LRRC37A2: variants seen among roughly 807,000 people sequenced by gnomAD.
LRRC37A2 encodes leucine-rich repeat-containing protein 37A2.
LRRC37A2 carries 9 observed loss-of-function variants against 68.8 expected under a neutral mutation model. That is an observed-to-expected ratio of 0.13 (90% CI 0.08 to 0.23). The LOEUF is 0.23. LRRC37A2 is among the 10% of genes least tolerant of loss of function. The pLI, the probability that LRRC37A2 is intolerant of heterozygous loss-of-function variation, is 1.00. For synonymous variants in LRRC37A2, 63 were observed against 367.6 expected, an observed-to-expected ratio of 0.17 and a Z score of 9.48; for missense variants, 168 against 950.4, an observed-to-expected ratio of 0.18 and a Z score of 10.82.
At chr17:46,861,138 A>G in the LRRC37A2 span, among the ~76,000 whole-genome samples, 1 of 152,210 alleles carries the variant, frequency 6.6e-6, no homozygotes, top group Non-Finnish European at 1.5e-5. Flanking sequence ...CTGTCCCCTT[A>G]GGGCAGCTCT....
the LRRC37A2 span, among the ~76,000 whole-genome samples, chr17:46,825,302 G>A: frequency 6.6e-6 from 1 of 152,244 alleles, no homozygotes; most frequent in East Asian, 1.9e-4. Flanking sequence ...CAGGGAAGGG[G>A]AGGGAGCCCT....
At chr17:46,753,708 A>G in the LRRC37A2 span, among the ~76,000 whole-genome samples, 3 of 152,094 alleles carry the variant, frequency 2.0e-5, no homozygotes, top group Non-Finnish European at 4.4e-5. Context: ...GATCAAGTTA[A>G]TGCTTCTTAT....
the LRRC37A2 span, among the ~76,000 whole-genome samples, chr17:46,892,266 A>G: frequency 6.7e-6 from 1 of 150,274 alleles, no homozygotes; most frequent in African/African-American, 2.4e-5. Context: ...CTGCCTAAAA[A>G]CCCCAGGTAA....
the LRRC37A2 span, among the ~76,000 whole-genome samples, chr17:46,899,119 G>T: frequency 6.6e-6 from 1 of 152,160 alleles, no homozygotes; most frequent in African/African-American, 2.4e-5. Context: ...GCTGGGTGCA[G>T]TGGCTCACAC....
the LRRC37A2 span, among the ~76,000 whole-genome samples, chr17:46,585,339 A>G: frequency 1.1e-5 from 1 of 94,922 alleles, no homozygotes; most frequent in Non-Finnish European, 2.4e-5. Flanking sequence ...AAAAAGAGAG[A>G]GAGAGAGAAT....
At chr17:46,887,036 C>T in the LRRC37A2 span, among the ~76,000 whole-genome samples, 1 of 152,142 alleles carries the variant, frequency 6.6e-6, no homozygotes, top group Non-Finnish European at 1.5e-5. Flanking sequence ...AAGCTGGTCT[C>T]GAACTCCTGG....
the LRRC37A2 span, among the ~76,000 whole-genome samples, chr17:46,791,057 G>T: frequency 1.3e-5 from 2 of 152,048 alleles, no homozygotes; most frequent in Admixed American, 1.3e-4. Context: ...GTATCTGTTT[G>T]TGAGTAGGTG....
chr17:46,826,483 G>C, the LRRC37A2 span, among the ~76,000 whole-genome samples: 1 of 152,208 alleles, frequency 6.6e-6, no homozygotes, highest in South Asian at 2.1e-4. Flanking sequence ...TTCTAGATAA[G>C]GCCTGAATGG....
chr17:46,849,690 G>C, the LRRC37A2 span, among the ~76,000 whole-genome samples: 20 of 152,198 alleles, frequency 1.3e-4, no homozygotes, highest in Non-Finnish European at 2.6e-4. Flanking sequence ...AGTCAGCCAT[G>C]ATGGGAATAT....
chr17:46,787,302 C>T, the LRRC37A2 span, among the ~76,000 whole-genome samples: 11 of 32,204 alleles, frequency 3.4e-4, no homozygotes, highest in South Asian at 1.9e-3. Flanking sequence ...TGGAGTAGGG[C>T]GGGGGCGGGG....
At chr17:46,773,595 G>T in the LRRC37A2 span, 2 of 1,459,680 alleles carry the variant, frequency 1.4e-6, no homozygotes, top group Non-Finnish European at 1.8e-6. Flanking sequence ...ACCCTGACTG[G>T]GGTGGAAGGG....
the LRRC37A2 span, among the ~76,000 whole-genome samples, chr17:46,392,431 C>CTCTG: frequency 3.4e-5 from 1 of 29,690 alleles, no homozygotes; most frequent in East Asian, 5.1e-4. Flanking sequence ...CTTTCTTTCT[C>CTCTG]TCTTTCTTTC....
At chr17:46,751,553 C>G in the LRRC37A2 span, 8 of 1,613,884 alleles carry the variant, frequency 5.0e-6, no homozygotes, top group East Asian at 2.2e-5. Flanking sequence ...CACAGCAAGT[C>G]AAAGGGAAGA....
chr17:46,492,108 C>T, the LRRC37A2 span, among the ~76,000 whole-genome samples: 65 of 151,082 alleles, frequency 4.3e-4, no homozygotes, highest in Admixed American at 2.1e-3. Flanking sequence ...GGATTACAGG[C>T]GCCCGCCACT....
chr17:46,936,719 CTG>C, the LRRC37A2 span: 3 of 984,724 alleles, frequency 3.0e-6, no homozygotes, highest in Non-Finnish European at 3.6e-6. Context: ...ATGAAATAAT[CTG>C]TGTGTTCAGA....
At chr17:47,036,458 C>A in the LRRC37A2 span, among the ~76,000 whole-genome samples, 3 of 152,218 alleles carry the variant, frequency 2.0e-5, no homozygotes, top group East Asian at 5.8e-4. Context: ...GTCTAAGAGT[C>A]TTATCATTTT....
chr17:46,839,497 C>G, the LRRC37A2 span, among the ~76,000 whole-genome samples: 3 of 152,362 alleles, frequency 2.0e-5, no homozygotes, highest in African/African-American at 7.2e-5. Flanking sequence ...GCAGCCATGA[C>G]TGCCATGCAC....
At chr17:46,759,648 T>C in the LRRC37A2 span, among the ~76,000 whole-genome samples, 1 of 152,198 alleles carries the variant, frequency 6.6e-6, no homozygotes, top group Non-Finnish European at 1.5e-5. Context: ...CAAGAACATG[T>C]CCCTATGCCC....
chr17:46,864,393 A>G, the LRRC37A2 span, among the ~76,000 whole-genome samples: 3 of 152,046 alleles, frequency 2.0e-5, no homozygotes, highest in African/African-American at 7.2e-5. Context: ...ACTTCCCTCT[A>G]TCTAGCCAAG....
Sources: allele counts gnomAD v4.1 joint callset (sites outside exome capture counted in the v4.1 genomes callset), GRCh38; gene constraint gnomAD v4.1.1; transcripts MANE v1.5; gene names NCBI Gene and HGNC (gene_info 2026-07-23, HGNC 2026-07-21).